The following PTPRD variants were observed in gnomAD, a reference collection of about 807,000 sequenced individuals.
PTPRD encodes the protein receptor-type tyrosine-protein phosphatase delta.
PTPRD carries 34 observed loss-of-function variants against 214.5 expected under a neutral mutation model. That is an observed-to-expected ratio of 0.16 (90% confidence interval 0.12 to 0.21). The LOEUF (loss-of-function observed/expected upper bound fraction) is 0.21. Ranked by LOEUF, PTPRD falls within the 10% of genes least tolerant of loss-of-function variation. PTPRD has a pLI of 1.00. For missense variants in PTPRD, 2,545 were observed against 2,398.7 expected, an observed-to-expected ratio of 1.06 and a Z score of -1.27; for synonymous variants, 1,128 against 845.7, an observed-to-expected ratio of 1.33 and a Z score of -5.79.
chr9:10,206,229 A>C (rs1285708392), intron 3 of PTPRD, among the ~76,000 whole-genome samples: 1 of 152,216 alleles, frequency 6.6e-6, no homozygotes, highest in Non-Finnish European at 1.5e-5. Context: ...TGGGAAACTC[A>C]AAGAGGCTTA....
At chr9:8,576,814 C>T (rs2092435685) in intron 14 of PTPRD, among the ~76,000 whole-genome samples, 1 of 152,078 alleles carries the variant, frequency 6.6e-6, no homozygotes, top group Non-Finnish European at 1.5e-5. Context: ...TATACCAAAC[C>T]AATGCCAACC....
intron 3 of PTPRD, among the ~76,000 whole-genome samples, chr9:10,228,348 A>C (rs1036987410): frequency 2.6e-5 from 4 of 152,054 alleles, no homozygotes; most frequent in African/African-American, 9.7e-5. Context: ...AAGATTGAGA[A>C]GGTGTGGTCC....
intron 2 of PTPRD, among the ~76,000 whole-genome samples, chr9:10,578,328 A>G (rs1382050335): frequency 1.3e-5 from 2 of 152,138 alleles, no homozygotes; most frequent in African/African-American, 4.8e-5. Flanking sequence ...TATGTTTCCT[A>G]TATATACAGA....
intron 11 of PTPRD, among the ~76,000 whole-genome samples, chr9:8,996,097 C>T (rs551753576): frequency 1.3e-5 from 2 of 152,146 alleles, no homozygotes; most frequent in African/African-American, 4.8e-5. Context: ...AAAAATGCCA[C>T]TCCCAAAACT....
intron 2 of PTPRD, among the ~76,000 whole-genome samples, chr9:10,545,689 A>G (rs563370743): frequency 1.8e-4 from 28 of 152,290 alleles, no homozygotes; most frequent in African/African-American, 6.7e-4. Context: ...GTATAAATAA[A>G]GGAAAAACAG....
intron 44 of PTPRD, among the ~76,000 whole-genome samples, chr9:8,330,031 T>C (rs1265012090): frequency 6.6e-6 from 1 of 152,112 alleles, no homozygotes; most frequent in East Asian, 1.9e-4. Context: ...TCTCCTGGTT[T>C]ACCAGTTGTG....
intron 14 of PTPRD, among the ~76,000 whole-genome samples, chr9:8,586,182 C>A (rs976239338): frequency 2.6e-5 from 4 of 152,122 alleles, no homozygotes; most frequent in Non-Finnish European, 5.9e-5. Context: ...TGCCTGTAAT[C>A]CCAGCTACTT....
intron 2 of PTPRD, among the ~76,000 whole-genome samples, chr9:10,455,295 T>C (rs2098901884): frequency 6.6e-6 from 1 of 151,692 alleles, no homozygotes; most frequent in South Asian, 2.1e-4. Context: ...TGCTTTCAGT[T>C]ACTAAGGTAT....
intron 43 of PTPRD, among the ~76,000 whole-genome samples, chr9:8,334,043 T>A (rs1369875093): frequency 6.6e-6 from 1 of 152,160 alleles, no homozygotes; most frequent in African/African-American, 2.4e-5. Context: ...ATAAAGCAAG[T>A]TCTTAGATAC....
At chr9:9,883,367 T>A (rs765000041) in intron 5 of PTPRD, among the ~76,000 whole-genome samples, 2 of 152,086 alleles carry the variant, frequency 1.3e-5, no homozygotes, top group Non-Finnish European at 2.9e-5. Flanking sequence ...GAACAGGCTG[T>A]AGGGAAAAGA....
intron 7 of PTPRD, among the ~76,000 whole-genome samples, chr9:9,694,715 A>G (rs1273664672): frequency 1.3e-5 from 2 of 151,936 alleles, no homozygotes; most frequent in African/African-American, 2.4e-5. Flanking sequence ...CCCTTCACTT[A>G]CCAAAGGAAG....
intron 31 of PTPRD, among the ~76,000 whole-genome samples, chr9:8,466,045 T>G (rs1005794852): frequency 5.9e-5 from 9 of 152,036 alleles, no homozygotes; most frequent in African/African-American, 1.4e-4. Flanking sequence ...GGAGATTTAT[T>G]AAATAAGTAT....
chr9:9,998,127 A>ATATATAT (rs1231969776), intron 4 of PTPRD, among the ~76,000 whole-genome samples: 121 of 55,168 alleles, frequency 2.2e-3, no homozygotes, highest in Admixed American at 4.0e-3. Context: ...AAAAAAAAAA[A>ATATATAT]AAATATATAT....
At chr9:8,697,228 G>GT (rs1385306683) in intron 12 of PTPRD, among the ~76,000 whole-genome samples, 3 of 151,956 alleles carry the variant, frequency 2.0e-5, no homozygotes, top group Non-Finnish European at 2.9e-5. Flanking sequence ...AGGGAAAAGG[G>GT]AGAAAAGGGC....
chr9:9,111,751 T>A (rs1276680509), intron 10 of PTPRD, among the ~76,000 whole-genome samples: 1 of 152,162 alleles, frequency 6.6e-6, no homozygotes, highest in Non-Finnish European at 1.5e-5. Context: ...AAAATTCTTT[T>A]CCTTTTTGTG....
chr9:10,517,678 T>C (rs1041844579), intron 2 of PTPRD, among the ~76,000 whole-genome samples: 19 of 152,174 alleles, frequency 1.2e-4, no homozygotes, highest in Non-Finnish European at 2.7e-4. Flanking sequence ...ATGTAACACC[T>C]CTCATTTGTG....
At chr9:9,652,770 A>T (rs1232060781) in intron 7 of PTPRD, among the ~76,000 whole-genome samples, 1 of 151,582 alleles carries the variant, frequency 6.6e-6, no homozygotes, top group Non-Finnish European at 1.5e-5. Flanking sequence ...ATGTACCACC[A>T]TTCCCTGCTA....
intron 14 of PTPRD, among the ~76,000 whole-genome samples, chr9:8,571,805 G>A (rs1406765830): frequency 6.6e-6 from 1 of 152,180 alleles, no homozygotes; most frequent in Admixed American, 6.6e-5. Flanking sequence ...TGCTCCTGGA[G>A]CTGCGGAAAT....
chr9:8,983,187 G>A (rs1346451870), intron 11 of PTPRD, among the ~76,000 whole-genome samples: 1 of 151,724 alleles, frequency 6.6e-6, no homozygotes, highest in African/African-American at 2.4e-5. Context: ...AATTAGAATG[G>A]CCAAAATTAA....
Sources: gnomAD v4.1 joint callset for allele counts (sites outside exome capture counted in the v4.1 genomes callset) on GRCh38, gnomAD v4.1.1 for gene constraint, MANE v1.5 for transcripts, NCBI Gene and HGNC (gene_info 2026-07-23, HGNC 2026-07-21) for gene names.